HEMK2: variants seen among roughly 807,000 people sequenced by gnomAD.
The protein encoded by HEMK2 is HemK methyltransferase 2, ETF1 glutamine and histone H4 lysine, also known as methyltransferase HEMK2.
chr21:28,703,232 G>A, the HEMK2 span, among the ~76,000 whole-genome samples: 1 of 151,966 alleles, frequency 6.6e-6, no homozygotes, highest in Non-Finnish European at 1.5e-5. Context: ...TACTTGGCTG[G>A]TGAAATAATC....
At chr21:28,861,821 CA>C in the HEMK2 span, among the ~76,000 whole-genome samples, 1 of 152,174 alleles carries the variant, frequency 6.6e-6, no homozygotes, top group Non-Finnish European at 1.5e-5. Context: ...GTCCAGGAAT[CA>C]AGGGGTGGAA....
chr21:28,836,593 A>C, the HEMK2 span, among the ~76,000 whole-genome samples: 2 of 152,198 alleles, frequency 1.3e-5, no homozygotes, highest in Non-Finnish European at 2.9e-5. Flanking sequence ...AAAAAGCAAA[A>C]ACAAAAAACA....
At chr21:28,655,131 A>G in the HEMK2 span, among the ~76,000 whole-genome samples, 4 of 152,102 alleles carry the variant, frequency 2.6e-5, no homozygotes, top group East Asian at 7.7e-4. Flanking sequence ...AGCCTAATAT[A>G]CCTTTAAAAT....
At chr21:28,581,982 A>G in the HEMK2 span, among the ~76,000 whole-genome samples, 1 of 152,238 alleles carries the variant, frequency 6.6e-6, no homozygotes, top group Admixed American at 6.5e-5. Context: ...GACTAGAGAC[A>G]GTATTTACAA....
the HEMK2 span, among the ~76,000 whole-genome samples, chr21:28,599,127 A>T: frequency 1.3e-5 from 2 of 152,360 alleles, no homozygotes; most frequent in East Asian, 3.9e-4. Flanking sequence ...AGAAGCTATG[A>T]TGCTAATGTG....
the HEMK2 span, chr21:28,872,521 G>T: frequency 6.6e-6 from 1 of 152,206 alleles, no homozygotes; most frequent in South Asian, 2.1e-4. Context: ...TATTTGCCTA[G>T]GCTTGTGCCT....
At chr21:28,780,022 A>G in the HEMK2 span, among the ~76,000 whole-genome samples, 1 of 152,252 alleles carries the variant, frequency 6.6e-6, no homozygotes, top group East Asian at 1.9e-4. Flanking sequence ...AAAACCCCAC[A>G]AACTGAAACC....
the HEMK2 span, among the ~76,000 whole-genome samples, chr21:28,672,576 C>T: frequency 2.6e-5 from 4 of 152,058 alleles, no homozygotes; most frequent in African/African-American, 4.8e-5. Flanking sequence ...GAGAAGAAAG[C>T]GGGCTCTCCA....
the HEMK2 span, among the ~76,000 whole-genome samples, chr21:28,577,579 A>C: frequency 6.6e-6 from 1 of 152,208 alleles, no homozygotes; most frequent in African/African-American, 2.4e-5. Context: ...AAAACCCAAG[A>C]CCCATCCTCA....
At chr21:28,663,129 T>C in the HEMK2 span, among the ~76,000 whole-genome samples, 3 of 152,180 alleles carry the variant, frequency 2.0e-5, no homozygotes, top group Non-Finnish European at 4.4e-5. Context: ...TGTAAAGATA[T>C]AACTCTACCA....
At chr21:28,691,239 G>C in the HEMK2 span, among the ~76,000 whole-genome samples, 1 of 104,020 alleles carries the variant, frequency 9.6e-6, no homozygotes, top group Non-Finnish European at 1.7e-5. Context: ...CAGTGAGACA[G>C]TTCATATGAG....
chr21:28,728,001 T>C, the HEMK2 span, among the ~76,000 whole-genome samples: 20 of 152,202 alleles, frequency 1.3e-4, no homozygotes, highest in African/African-American at 4.3e-4. Flanking sequence ...GAAACAGAGA[T>C]TGGAGCGATT....
chr21:28,745,139 T>A, the HEMK2 span, among the ~76,000 whole-genome samples: 1 of 152,352 alleles, frequency 6.6e-6, no homozygotes, highest in East Asian at 1.9e-4. Context: ...ATAATTCCAA[T>A]GACTGCTGCG....
the HEMK2 span, among the ~76,000 whole-genome samples, chr21:28,863,413 TATATATATATATATATATATATATATATA>T: frequency 1.2e-3 from 30 of 24,140 alleles, 1 homozygote; most frequent in East Asian, 6.6e-3. Context: ...CTCCCTTTTA[TATATATATATATATATATATATATATATA>T]TATATATATA....
At chr21:28,700,481 A>G in the HEMK2 span, among the ~76,000 whole-genome samples, 1 of 152,200 alleles carries the variant, frequency 6.6e-6, no homozygotes, top group Non-Finnish European at 1.5e-5. Flanking sequence ...CCCCACAGAA[A>G]TAATATTTTA....
the HEMK2 span, among the ~76,000 whole-genome samples, chr21:28,750,906 G>A: frequency 2.6e-5 from 4 of 152,138 alleles, no homozygotes; most frequent in Admixed American, 6.5e-5. Flanking sequence ...TTCTCCACTC[G>A]CCATGTTTAG....
chr21:28,633,214 G>T, the HEMK2 span, among the ~76,000 whole-genome samples: 1 of 152,214 alleles, frequency 6.6e-6, no homozygotes, highest in African/African-American at 2.4e-5. Context: ...GGTCTCTACA[G>T]AGGTTAGGAA....
At chr21:28,801,865 GA>G in the HEMK2 span, among the ~76,000 whole-genome samples, 1 of 152,104 alleles carries the variant, frequency 6.6e-6, no homozygotes. Context: ...AACAAAAAAA[GA>G]ATCCAAAAAT....
At chr21:28,751,491 C>G in the HEMK2 span, among the ~76,000 whole-genome samples, 2 of 152,310 alleles carry the variant, frequency 1.3e-5, no homozygotes, top group Admixed American at 1.3e-4. Flanking sequence ...AGATTAAAAA[C>G]TCCACTGTGG....
Sources: gnomAD v4.1 joint callset for allele counts (sites outside exome capture counted in the v4.1 genomes callset) on GRCh38, gnomAD v4.1.1 for gene constraint, MANE v1.5 for transcripts, NCBI Gene and HGNC (gene_info 2026-07-23, HGNC 2026-07-21) for gene names.